PYY: variants seen among roughly 807,000 people sequenced by gnomAD.
The protein encoded by PYY is peptide tyrosine tyrosine.
A neutral mutation model predicts 10.3 loss-of-function variants in PYY; 12 were observed. The ratio of observed to expected loss-of-function variants is 1.17; its 90% CI spans 0.75 to 1.89. The LOEUF (loss-of-function observed/expected upper bound fraction) is 1.89, where lower values mean the gene tolerates loss of function less well. PYY is among the 40% of genes most tolerant of loss of function. PYY has a pLI of 0.00. For missense variants in PYY, 141 were observed against 134.0 expected (o/e 1.05, Z -0.26); for synonymous variants, 66 against 62.0 (o/e 1.06, Z -0.30).
At chr17:43,981,988 T>C (rs1414679709) in intron 1 of PYY, among the ~76,000 whole-genome samples, 6 of 152,224 alleles carry the variant, frequency 3.9e-5, no homozygotes, top group Non-Finnish European at 7.3e-5. Context: ...ATGATCAATA[T>C]AGTCCAATGT....
intron 1 of PYY, among the ~76,000 whole-genome samples, chr17:43,994,012 C>A (rs2143960069): frequency 6.6e-6 from 1 of 152,150 alleles, no homozygotes; most frequent in East Asian, 1.9e-4. Context: ...CGTTACCAGG[C>A]CTGGCTAATT....
At chr17:43,960,306 G>T (rs951061934) in intron 2 of PYY, among the ~76,000 whole-genome samples, 1 of 152,048 alleles carries the variant, frequency 6.6e-6, no homozygotes, top group Non-Finnish European at 1.5e-5. Context: ...ACTTTGGGAG[G>T]CCAAGGCGGG....
intron 1 of PYY, among the ~76,000 whole-genome samples, chr17:43,982,882 A>G (rs928297788): frequency 1.4e-4 from 21 of 151,944 alleles, no homozygotes; most frequent in African/African-American, 5.1e-4. Context: ...TTCTAAGGAG[A>G]AGGAGGAAAG....
rs892814724 is a variant in PYY at position 43,976,178 on chromosome 17, T to C, written c.-462-9646A>G. Among the ~76,000 whole-genome samples the C allele has an allele frequency of 3.9e-4, 35 of 90,392 alleles. 3 individuals are homozygous for C. Among genetic ancestry groups the C allele is most frequent in the African/African-American group, 2.7e-3 (33 of 12,018 alleles). 59.3% of individuals were successfully genotyped at this position (90,392 alleles called of 152,430 possible). Reference sequence around the variant, plus strand: ...ATGTATACATGCATGCATATATGTATATATACGTATATGTATACATATATA... The same window carrying C: ...ATGTATACATGCATGCATATATGTACATATACGTATATGTATACATATATA... On this transcript the variant is annotated intron_variant, in intron 1 of 6. Coordinates refer to the PYY transcript ENST00000360085.
rs374502804 is a variant in PYY at position 43,968,538 on chromosome 17, G to A, written c.-462-2006C>T. Among the ~76,000 whole-genome samples the A allele has an allele frequency of 1.4e-4, 22 of 152,294 alleles. No homozygotes were observed. The East Asian group carries it at 3.3e-3, about 23-fold the overall frequency. ...TCAACAAAATATTAGCTGGCCAGGC[G>A]CGGTGGCTCATGCCTACAATCCCAG... On this transcript the variant is annotated intron_variant, in intron 1 of 6. Transcript: ENST00000360085.
At chr17:43,968,617 G>T (rs2048769376) in intron 1 of PYY, among the ~76,000 whole-genome samples, 3 of 152,294 alleles carry the variant, frequency 2.0e-5, no homozygotes, top group South Asian at 4.1e-4. Flanking sequence ...TTCGAGAGCA[G>T]CCTGGCCAAT....
chr17:43,989,858 A>G (rs2048944011), intron 1 of PYY, among the ~76,000 whole-genome samples: 1 of 29,344 alleles, frequency 3.4e-5, no homozygotes, highest in Non-Finnish European at 6.3e-5. Context: ...ATATATATAT[A>G]TATATATATA....
intron 1 of PYY, among the ~76,000 whole-genome samples, chr17:43,976,426 T>TAC (rs2048848446): frequency 1.3e-5 from 2 of 150,354 alleles, no homozygotes; most frequent in African/African-American, 4.9e-5. Flanking sequence ...TACATATACA[T>TAC]ATATACACAT....
intron 1 of PYY, among the ~76,000 whole-genome samples, chr17:43,970,803 C>T (rs760009089): frequency 6.6e-6 from 1 of 152,176 alleles, no homozygotes; most frequent in African/African-American, 2.4e-5. Flanking sequence ...GGGAATATCA[C>T]ACAACTGGAA....
chr17:43,953,912 C>A lies in PYY; in HGVS notation c.-63G>T, dbSNP rs548153249. 5.2e-4 allele frequency: 83 copies of A among 159,556 alleles called. No homozygotes were observed. The highest frequency in any genetic ancestry group is 2.0e-3 in the African/African-American group (82 of 41,766). The allele number at this position is 159,556 out of a possible 1,614,324, so 9.9% of individuals were successfully genotyped here. A position where few individuals can be genotyped will look rare whatever the true frequency, so the allele number is the denominator to read the frequency against. ...GGCGAGGGAAGTCCCAAGGGCTGCA[C>A]TGCCGCAGGTCAAGCTGAGGCCTCC... On this transcript the variant is annotated 5_prime_UTR_variant, in exon 1 of 4. Transcript: ENST00000692052.
At chr17:43,982,459 T>G (rs1308630866) in intron 1 of PYY, among the ~76,000 whole-genome samples, 2 of 152,256 alleles carry the variant, frequency 1.3e-5, no homozygotes, top group Non-Finnish European at 2.9e-5. Flanking sequence ...AACTACAGTG[T>G]GAACCATGCC....
intron 1 of PYY, among the ~76,000 whole-genome samples, chr17:43,976,269 G>GTATACATA (rs1312257471): frequency 2.8e-5 from 3 of 105,332 alleles, no homozygotes; most frequent in Non-Finnish European, 5.4e-5. Flanking sequence ...ATGTATACAT[G>GTATACATA]TACGTATATA....
intron 1 of PYY, among the ~76,000 whole-genome samples, chr17:43,990,615 AC>A (rs2048950677): frequency 6.6e-6 from 1 of 152,052 alleles, no homozygotes; most frequent in Admixed American, 6.6e-5. Flanking sequence ...ATCGGGAGAT[AC>A]AAGGCACAAA....
intron 1 of PYY, among the ~76,000 whole-genome samples, chr17:43,992,444 C>T (rs2048963690): frequency 6.6e-6 from 1 of 151,792 alleles, no homozygotes; most frequent in African/African-American, 2.4e-5. Context: ...GGCGCAGTGG[C>T]TCATGCCTGT....
rs555652640 is a variant in PYY, at chr17:43,985,209, T to G, written c.-462-18677A>C. Among the ~76,000 whole-genome samples, 351 of 152,258 alleles carry G rather than the reference T, an allele frequency of 2.3e-3. 1 individual carries two copies. Among genetic ancestry groups the G allele is most frequent in the African/African-American group, 7.9e-3 (328 of 41,556 alleles). On this transcript the variant is annotated intron_variant, in intron 1 of 6. Transcript: ENST00000360085. ...ACTCCCACTTGTTTTCATTTTTTAT[T>G]TTTTTATTTATAAATACATGAAACA...
intron 1 of PYY, among the ~76,000 whole-genome samples, chr17:43,980,156 CTTTTTTT>C (rs569138857): frequency 1.3e-4 from 13 of 100,656 alleles, no homozygotes; most frequent in South Asian, 4.2e-4. Context: ...TCCCCTCCAC[CTTTTTTT>C]TTTTTTTTTT....
upstream of PYY, among the ~76,000 whole-genome samples, chr17:43,955,246 T>G (rs1480449227): frequency 6.6e-6 from 1 of 152,156 alleles, no homozygotes; most frequent in Non-Finnish European, 1.5e-5. Flanking sequence ...CCCTTCCAGC[T>G]TCCTCTCCCT....
Position 43,975,724 on chromosome 17 carries a change from A to AT in PYY, c.-462-9193_-462-9192insA, listed in dbSNP as rs1567931510. 1.2e-4 allele frequency among the ~76,000 whole-genome samples: 14 copies of AT among 114,698 alleles called. 1 individual carries two copies. Among genetic ancestry groups the AT allele is most frequent in the Non-Finnish European group, 1.6e-4 (10 of 62,696 alleles). 75.2% of individuals were successfully genotyped at this position (114,698 alleles called of 152,430 possible). On this transcript the variant is annotated intron_variant, in intron 1 of 6. Transcript: ENST00000360085. ...ACAGGAGTAAGACCCTGAAAAAAAA[A>AT]AATATATATATATATATATATACAC...
intron 1 of PYY, among the ~76,000 whole-genome samples, chr17:43,998,574 GA>G: frequency 6.6e-6 from 1 of 151,432 alleles, no homozygotes; most frequent in Non-Finnish European, 1.5e-5. Context: ...AAAAGAAAAG[GA>G]AAAAAAAGAA....
Sources: allele counts gnomAD v4.1 joint callset (sites outside exome capture counted in the v4.1 genomes callset), GRCh38; gene constraint gnomAD v4.1.1; transcripts MANE v1.5; gene names NCBI Gene and HGNC (gene_info 2026-07-23, HGNC 2026-07-21).